SPDYA: variants seen among roughly 807,000 people sequenced by gnomAD.
SPDYA encodes the protein speedy/RINGO cell cycle regulator family member A.
A neutral mutation model predicts 36.7 loss-of-function variants in SPDYA; 11 were observed. The ratio of observed to expected loss-of-function variants is 0.30; its 90% CI spans 0.19 to 0.50. The LOEUF is 0.50. Among genes scored for constraint, SPDYA ranks in the 20% least tolerant of loss-of-function variants. The pLI is 0.98. For synonymous variants in SPDYA, 115 were observed against 118.7 expected (o/e 0.97, Z 0.20); for missense variants, 287 against 370.9 (o/e 0.77, Z 1.86).
intron 5 of SPDYA, among the ~76,000 whole-genome samples, chr2:28,824,027 G>A (rs926726998): frequency 1.3e-5 from 2 of 151,240 alleles, no homozygotes; most frequent in African/African-American, 2.4e-5. Flanking sequence ...GATTACAGGC[G>A]TGAGCCACCG....
Position 28,814,705 on chromosome 2 carries a change from CTG to C in SPDYA, c.-19+22_-19+23del, listed in dbSNP as rs1667941321. The C allele has an allele frequency of 6.6e-6, 1 of 152,162 alleles. No individual in the cohort carries two copies. The highest frequency in any genetic ancestry group is 1.5e-5 in the Non-Finnish European group (1 of 68,034). The allele number at this position is 152,162 out of a possible 1,614,324, so 9.4% of individuals were successfully genotyped here. A position where few individuals can be genotyped will look rare whatever the true frequency, so the allele number is the denominator to read the frequency against. On this transcript the variant is annotated intron_variant, in intron 2 of 7. Transcript: ENST00000334056. Reference sequence around the variant, plus strand: ...AAGGAAGGTATGGCTGCCTGAGTCACTGTGAGGTTGCATTCAGAGGTTCTCAG... The same window carrying C: ...AAGGAAGGTATGGCTGCCTGAGTCACTGAGGTTGCATTCAGAGGTTCTCAG...
intron 6 of SPDYA, among the ~76,000 whole-genome samples, chr2:28,833,762 C>G (rs1668527820): frequency 6.6e-6 from 1 of 152,024 alleles, no homozygotes; most frequent in African/African-American, 2.4e-5. Context: ...AACCATAAAA[C>G]TCTTAGAAGA....
chr2:28,816,309 C>T (rs1233683677), intron 3 of SPDYA, 60 bp downstream of exon 3: 1 of 1,218,862 alleles, frequency 8.2e-7, no homozygotes, highest in Non-Finnish European at 1.1e-6. Context: ...AGAATGTAAA[C>T]ATCTAAATGT....
chr2:28,846,722 TACACACACAC>T (rs58731880), intron 7 of SPDYA, among the ~76,000 whole-genome samples: 4,234 of 126,480 alleles, frequency 0.033, 157 homozygotes, highest in African/African-American at 0.086. Context: ...AGAAGAAAAC[TACACACACAC>T]ACACACACAC....
chr2:28,845,607 C>T lies in SPDYA; in HGVS notation c.851-4243C>T, dbSNP rs150558751. ...TTGCCCAGGCTGGAGTGCAATGGTGCGATCTCAGCTCACTGCAACCTCCAT... is the reference window on the plus strand; with the variant it reads ...TTGCCCAGGCTGGAGTGCAATGGTGTGATCTCAGCTCACTGCAACCTCCAT... On this transcript the variant is annotated intron_variant, in intron 7 of 7. Coordinates refer to ENST00000334056, the MANE Select transcript of SPDYA (RefSeq NM_182756.4). Among the ~76,000 whole-genome samples, 441 of 152,206 alleles carry T rather than the reference C, an allele frequency of 2.9e-3. 4 individuals carry two copies. Among genetic ancestry groups the T allele is most frequent in the African/African-American group, 0.01 (417 of 41,524 alleles).
intron 4 of SPDYA, among the ~76,000 whole-genome samples, chr2:28,819,842 AAAAAAAAATAT>A (rs1668095384): frequency 2.1e-5 from 1 of 47,400 alleles, no homozygotes; most frequent in African/African-American, 1.0e-4. Flanking sequence ...AAAAAAAAAA[AAAAAAAAATAT>A]ATATATATAT....
chr2:28,827,026 G>A (rs1184008693), intron 5 of SPDYA, among the ~76,000 whole-genome samples: 2 of 141,172 alleles, frequency 1.4e-5, no homozygotes, highest in Non-Finnish European at 3.0e-5. Context: ...TGCAAGCTCC[G>A]CCTCCGGGTT....
rs1413906704 is a variant in SPDYA at position 28,829,414 on chromosome 2, T to TG, written c.552+98dup. Reference sequence around the variant, plus strand: ...ATGTGCTTCTAATGTTTTGGTATTCTGGGTTTTTTTTTTTTTTCTAATATG... The same window carrying TG: ...ATGTGCTTCTAATGTTTTGGTATTCTGGGGTTTTTTTTTTTTTTCTAATATG... On this transcript the variant is annotated intron_variant, in intron 6 of 7. Coordinates refer to ENST00000334056, the MANE Select transcript of SPDYA (RefSeq NM_182756.4). 73 of 1,234,102 alleles carry TG rather than the reference T, an allele frequency of 5.9e-5. No individual in the cohort carries two copies. The South Asian group carries it at 6.5e-4, about 11-fold the overall frequency. 76.4% of individuals were successfully genotyped at this position (1,234,102 alleles called of 1,614,324 possible).
intron 7 of SPDYA, among the ~76,000 whole-genome samples, chr2:28,848,134 A>G (rs56656554): frequency 1.5e-3 from 221 of 152,356 alleles, no homozygotes; most frequent in African/African-American, 5.2e-3. Flanking sequence ...TATAAAAGCT[A>G]TAAAGGCATC....
intron 2 of SPDYA, among the ~76,000 whole-genome samples, chr2:28,815,327 CGA>C (rs1193422371): frequency 7.9e-5 from 11 of 138,620 alleles, no homozygotes; most frequent in Non-Finnish European, 1.3e-4. Context: ...CACACACACA[CGA>C]GAAAAAAAGG....
chr2:28,840,252 C>T lies in SPDYA; in HGVS notation c.633C>T (p.Asn211=), dbSNP rs1304409454. Residue 211 remains asparagine, a synonymous_variant, in exon 7 of 8, where the codon AAC becomes AAT. Transcript: ENST00000334056. ...ACAGTGGAGCTGTCAGAAACTACAA[C>T]AGAGATGAAGTTCAGCTGCCCCGGG... ...VHHSGAVRNY[N]RDEVQLPRGP... is the part of the protein sequence containing the mutation. 2 of 1,613,840 alleles carry T rather than the reference C, an allele frequency of 1.2e-6. No individual in the cohort carries two copies. Among genetic ancestry groups the T allele is most frequent in the Non-Finnish European group, 1.7e-6 (2 of 1,180,002 alleles).
At chr2:28,814,490 T>C (rs1292772501) in intron 1 of SPDYA, 123 bp from the exon 2 acceptor site, 1 of 152,240 alleles carries the variant, frequency 6.6e-6, no homozygotes, top group African/African-American at 2.4e-5. Flanking sequence ...AACTTTATTA[T>C]TAAAAGTAAT....
chr2:28,849,787 A>G, intron 7 of SPDYA, 63 bp from the exon 8 acceptor site: 1 of 921,156 alleles, frequency 1.1e-6, no homozygotes, highest in Non-Finnish European at 1.7e-6. Context: ...ACAAGCCATT[A>G]TAAGATGTAT....
At chr2:28,841,020 C>T (rs983751060) in intron 7 of SPDYA, among the ~76,000 whole-genome samples, 1 of 150,788 alleles carries the variant, frequency 6.6e-6, no homozygotes, top group East Asian at 2.0e-4. Flanking sequence ...CTGCAGCCTC[C>T]GCCTCCCAGG....
rs1398807513 is a variant in SPDYA at position 28,819,071 on chromosome 2, T to C, written c.259T>C (p.Leu87=). The C allele has an allele frequency of 1.9e-6, 3 of 1,611,698 alleles. No homozygotes were observed. Among genetic ancestry groups the C allele is most frequent in the Non-Finnish European group, 2.5e-6 (3 of 1,178,986 alleles). ...AGATGACGATTTAATTCAAGATTTCTTGTGGATGGACTGCTGCTGTAAAAT... is the reference window on the plus strand; with the variant it reads ...AGATGACGATTTAATTCAAGATTTCCTGTGGATGGACTGCTGCTGTAAAAT... ...LFDDDLIQDF[L]WMDCCCKIAD... Residue 87 remains leucine (L), a synonymous_variant, in exon 4 of 8, where the codon TTG becomes CTG. Coordinates refer to ENST00000334056, the MANE Select transcript of SPDYA (RefSeq NM_182756.4).
At chr2:28,819,693 CAG>C (rs1014794710) in intron 4 of SPDYA, among the ~76,000 whole-genome samples, 1 of 149,820 alleles carries the variant, frequency 6.7e-6, no homozygotes, top group Non-Finnish European at 1.5e-5. Flanking sequence ...TGATTGAAAA[CAG>C]AAATCAAAAC....
rs570820539 is a variant in SPDYA, at chr2:28,827,141, C to T, written c.381-2007C>T. Among the ~76,000 whole-genome samples the T allele has an allele frequency of 4.6e-5, 7 of 151,638 alleles. No homozygotes were observed. In the South Asian group the frequency reaches 1.0e-3, roughly 23 times the overall value. On this transcript the variant is annotated intron_variant, in intron 5 of 7. Coordinates refer to ENST00000334056, the MANE Select transcript of SPDYA (RefSeq NM_182756.4). ...TTTTTTAGTAGAGACGGGGTTTCACCGTGTTAGCCAGGATGGTCTCAATCT... is the reference window on the plus strand; with the variant it reads ...TTTTTTAGTAGAGACGGGGTTTCACTGTGTTAGCCAGGATGGTCTCAATCT...
chr2:28,836,353 C>T lies in SPDYA; in HGVS notation c.553-3819C>T, dbSNP rs183353816. On this transcript the variant is annotated intron_variant, in intron 6 of 7. Coordinates refer to ENST00000334056, the MANE Select transcript of SPDYA (RefSeq NM_182756.4). ...TTTCTTGTCTTGGGAATTAAATAGC[C>T]GCAGTATTCCCTCCATTTCACAGAT... is the stretch of plus-strand genomic sequence containing the variant. Among the ~76,000 whole-genome samples, 149 of 152,210 alleles carry T rather than the reference C, an allele frequency of 9.8e-4. 1 individual carries two copies. Among genetic ancestry groups the T allele is most frequent in the Non-Finnish European group, 1.7e-3 (114 of 68,006 alleles).
chr2:28,845,552 CTTTG>C (rs1329314103), intron 7 of SPDYA, among the ~76,000 whole-genome samples: 4 of 152,144 alleles, frequency 2.6e-5, no homozygotes, highest in Non-Finnish European at 5.9e-5. Context: ...TTGTTTCTTT[CTTTG>C]TTTGTTTGAG....
Sources: allele counts gnomAD v4.1 joint callset (sites outside exome capture counted in the v4.1 genomes callset), GRCh38; gene constraint gnomAD v4.1.1; transcripts MANE v1.5; gene names NCBI Gene and HGNC (gene_info 2026-07-23, HGNC 2026-07-21).